Variants in EDARADD observed in about 807,000 individuals in gnomAD.
EDARADD encodes the protein ectodysplasin-A receptor-associated adapter protein.
A neutral mutation model predicts 25.6 loss-of-function variants in EDARADD; 20 were observed. The ratio of observed to expected loss-of-function variants is 0.78; its 90% confidence interval spans 0.55 to 1.14. EDARADD has a LOEUF of 1.14. Ranked by LOEUF, EDARADD falls within the 50% of genes most tolerant of loss-of-function variation. EDARADD has a pLI of 0.00. For synonymous variants in EDARADD, 86 were observed against 94.4 expected (o/e 0.91, Z 0.52); for missense variants, 225 against 270.1 (o/e 0.83, Z 1.17).
At chr1:236,401,205 G>A (rs1667607753) in intron 1 of EDARADD, among the ~76,000 whole-genome samples, 1 of 151,688 alleles carries the variant, frequency 6.6e-6, no homozygotes, top group African/African-American at 2.4e-5. Flanking sequence ...AAAAAGCTAT[G>A]GTACAAAACA....
At chr1:236,356,337 CA>C in intron 3 of EDARADD, among the ~76,000 whole-genome samples, 1 of 152,264 alleles carries the variant, frequency 6.6e-6, no homozygotes, top group East Asian at 1.9e-4. Context: ...AGCCTCCTAT[CA>C]GAGGAGATGC....
intron 4 of EDARADD, among the ~76,000 whole-genome samples, chr1:236,440,496 A>G (rs189636797): frequency 1.1e-4 from 17 of 152,006 alleles, no homozygotes; most frequent in Middle Eastern, 3.4e-3. Flanking sequence ...CCTCCTATTT[A>G]TGATCATGGA....
At position 236,483,607 on chromosome 1, in the gene EDARADD, C is replaced by T. The variant is rs555798195; in HGVS notation, c.*958C>T. On this transcript the variant is annotated 3_prime_UTR_variant, in exon 6 of 6. Coordinates refer to ENST00000334232, the MANE Select transcript of EDARADD (RefSeq NM_145861.4). ...AACTCCAAAGTCATCTTGCCAGTCC[C>T]GGTGTTCAATGTCATCAATGGCAGT... is the stretch of plus-strand genomic sequence containing the variant. 66 of 1,519,006 alleles carry T rather than the reference C, an allele frequency of 4.3e-5. No individual in the cohort carries two copies. In the African/African-American group the frequency reaches 5.3e-4, roughly 12 times the overall value. 94.1% of individuals were successfully genotyped at this position (1,519,006 alleles called of 1,614,324 possible).
At chr1:236,372,644 A>G (rs1444136923) in intron 3 of EDARADD, among the ~76,000 whole-genome samples, 2 of 152,166 alleles carry the variant, frequency 1.3e-5, no homozygotes, top group Non-Finnish European at 2.9e-5. Context: ...AATTTTCTTC[A>G]TTAAATGTTT....
chr1:236,385,089 C>CTTTTTTTTTTTTTTTTTT (rs34509027), intron 3 of EDARADD, among the ~76,000 whole-genome samples: 8 of 121,950 alleles, frequency 6.6e-5, no homozygotes, highest in African/African-American at 2.0e-4. Flanking sequence ...CCTTTTGATT[C>CTTTTTTTTTTTTTTTTTT]TTTTTTTTTT....
At chr1:236,377,666 T>C (rs1432476051) in intron 3 of EDARADD, among the ~76,000 whole-genome samples, 4 of 151,290 alleles carry the variant, frequency 2.6e-5, no homozygotes, top group African/African-American at 9.7e-5. Context: ...GAGACCATCC[T>C]GGCCAACATG....
At chr1:236,425,211 G>A (rs1333659452) in intron 3 of EDARADD, among the ~76,000 whole-genome samples, 1 of 152,202 alleles carries the variant, frequency 6.6e-6, no homozygotes, top group African/African-American at 2.4e-5. Context: ...AGCTGGGTGC[G>A]CTCGCCAGGG....
chr1:236,483,881 G>A lies in EDARADD; in HGVS notation c.*1232G>A, dbSNP rs2103043600. ...TTGGGAAAGCTGGCTACACTGATAA[G>A]GTGATCGTCAGCATGGACGTAGAGG... On this transcript the variant is annotated 3_prime_UTR_variant, in exon 6 of 6. Coordinates refer to ENST00000334232, the MANE Select transcript of EDARADD (RefSeq NM_145861.4). 1.4e-6 allele frequency: 2 copies of A among 1,383,174 alleles called. No individual in the cohort carries two copies. The highest frequency in any genetic ancestry group is 2.3e-5 in the East Asian group (1 of 43,654). 85.7% of individuals were successfully genotyped at this position (1,383,174 alleles called of 1,614,324 possible). A position where few individuals can be genotyped will look rare whatever the true frequency, so the allele number is the denominator to read the frequency against.
intron 1 of EDARADD, among the ~76,000 whole-genome samples, chr1:236,405,199 G>A (rs1049191940): frequency 1.3e-5 from 2 of 152,112 alleles, no homozygotes; most frequent in South Asian, 4.1e-4. Context: ...TCATTGTTGT[G>A]CTTCAGAAAA....
intron 3 of EDARADD, among the ~76,000 whole-genome samples, chr1:236,351,665 AC>A (rs1220492091): frequency 1.3e-5 from 2 of 149,486 alleles, no homozygotes; most frequent in African/African-American, 4.9e-5. Flanking sequence ...AGCCGAGATC[AC>A]CCCACTGCAC....
At chr1:236,480,507 A>G (rs1007622472) in intron 5 of EDARADD, among the ~76,000 whole-genome samples, 11 of 152,028 alleles carry the variant, frequency 7.2e-5, no homozygotes, top group African/African-American at 2.2e-4. Flanking sequence ...ACTTGCCTCA[A>G]TATTGCTGGT....
intron 4 of EDARADD, among the ~76,000 whole-genome samples, chr1:236,433,222 C>T (rs1427398653): frequency 4.0e-5 from 6 of 151,748 alleles, no homozygotes; most frequent in African/African-American, 7.3e-5. Flanking sequence ...TTTGTCACTT[C>T]GTTGTATTCC....
At chr1:236,463,627 T>A (rs1659099325) in intron 4 of EDARADD, among the ~76,000 whole-genome samples, 1 of 152,206 alleles carries the variant, frequency 6.6e-6, no homozygotes, top group Non-Finnish European at 1.5e-5. Flanking sequence ...TTCAGTGGCA[T>A]TAAGTATATT....
intron 3 of EDARADD, among the ~76,000 whole-genome samples, chr1:236,366,143 G>A (rs894743544): frequency 6.6e-6 from 1 of 152,092 alleles, no homozygotes; most frequent in South Asian, 2.1e-4. Flanking sequence ...CTGCCTCTTC[G>A]CATGCCTGGA....
At position 236,481,710 on chromosome 1, in the gene EDARADD, CGGAGG is replaced by C. The variant is rs1659678074; in HGVS notation, c.266-556_266-552del. ...GGGAGGATCGCTTGAGCCTGGAGGG[CGGAGG>C]TTGCAGTGAGCCGAGATCATGCCAC... On this transcript the variant is annotated intron_variant, in intron 5 of 5. Transcript: ENST00000334232. Among the ~76,000 whole-genome samples, 3 of 145,694 alleles carry C rather than the reference CGGAGG, an allele frequency of 2.1e-5. No individual in the cohort carries two copies. The South Asian group carries it at 6.6e-4, about 32-fold the overall frequency.
Position 236,360,854 on chromosome 1 carries a change from C to CT in EDARADD, c.-6+10021dup, listed in dbSNP as rs538312215. Among the ~76,000 whole-genome samples, 1,027 of 151,860 alleles carry CT rather than the reference C, an allele frequency of 6.8e-3. 13 individuals are homozygous for CT. Among genetic ancestry groups the CT allele is most frequent in the African/African-American group, 0.023 (962 of 41,426 alleles). ...GAGCCACCACACCCAGCCAGGGGTA[C>CT]TTTTTTACACTAGTGATGAAGGAAT... On this transcript the variant is annotated intron_variant, in intron 3 of 7. Coordinates refer to the EDARADD transcript ENST00000439430.
intron 4 of EDARADD, among the ~76,000 whole-genome samples, chr1:236,456,773 T>C (rs1026807574): frequency 7.7e-6 from 1 of 129,892 alleles, no homozygotes; most frequent in African/African-American, 2.9e-5. Flanking sequence ...TCCCAACTCA[T>C]CCCTGTAGAG....
At chr1:236,391,406 A>G (rs1353185491), upstream of EDARADD, among the ~76,000 whole-genome samples, 1 of 152,238 alleles carries the variant, frequency 6.6e-6, no homozygotes, top group Non-Finnish European at 1.5e-5. Flanking sequence ...GAGACATGGA[A>G]ACTTAGTAAC....
intron 5 of EDARADD, among the ~76,000 whole-genome samples, chr1:236,481,165 A>T (rs1042854542): frequency 4.5e-4 from 69 of 152,258 alleles, no homozygotes; most frequent in African/African-American, 1.5e-3. Flanking sequence ...TGTTGTTTTT[A>T]AAAAAAGACC....
Sources: gnomAD v4.1 joint callset for allele counts (sites outside exome capture counted in the v4.1 genomes callset) on GRCh38, gnomAD v4.1.1 for gene constraint, MANE v1.5 for transcripts, NCBI Gene and HGNC (gene_info 2026-07-23, HGNC 2026-07-21) for gene names.